Variants in HECW2 observed in about 807,000 individuals in gnomAD.
HECW2 encodes the protein E3 ubiquitin-protein ligase HECW2.
A neutral mutation model predicts 175.2 loss-of-function variants in HECW2; 61 were observed. The ratio of observed to expected loss-of-function variants is 0.35; its 90% CI spans 0.28 to 0.43. HECW2 has a LOEUF of 0.43. Among genes scored for constraint, HECW2 ranks in the 20% least tolerant of loss-of-function variants. The pLI is 1.00. For missense variants in HECW2, 1,524 were observed against 2,000.5 expected (o/e 0.76, Z 4.54); for synonymous variants, 671 against 731.0 (o/e 0.92, Z 1.32).
At chr2:196,496,390 T>A (rs1013002722) in intron 1 of HECW2, among the ~76,000 whole-genome samples, 2 of 145,222 alleles carry the variant, frequency 1.4e-5, no homozygotes, top group African/African-American at 5.6e-5. Flanking sequence ...GCAACACTGA[T>A]AAGCTCTTTC....
chr2:196,395,715 T>TTAA (rs1553512650), intron 2 of HECW2, among the ~76,000 whole-genome samples: 3,554 of 150,150 alleles, frequency 0.024, 145 homozygotes, highest in African/African-American at 0.082. Context: ...TTTTTTTTTT[T>TTAA]AAAAAAAGAA....
In HECW2 at chr2:196,329,720, T is replaced by C. The variant is rs1031351115; in HGVS notation, c.496-70A>G. 1.2e-5 allele frequency: 14 copies of C among 1,215,830 alleles called. No homozygotes were observed. In the African/African-American group the frequency reaches 1.9e-4, roughly 17 times the overall value. The allele number at this position is 1,215,830 out of a possible 1,614,324, so 75.3% of individuals were successfully genotyped here. ...GCCACTGGATCTGACTAGGAAACCATGTATGTTCCTAAATGCAATGATTTT... is the reference window on the plus strand; with the variant it reads ...GCCACTGGATCTGACTAGGAAACCACGTATGTTCCTAAATGCAATGATTTT... On this transcript the variant is annotated intron_variant, in intron 4 of 28. Coordinates refer to ENST00000644978, the MANE Select transcript of HECW2 (RefSeq NM_001348768.2).
chr2:196,246,512 G>C (rs1688649294), intron 19 of HECW2, among the ~76,000 whole-genome samples: 1 of 152,118 alleles, frequency 6.6e-6, no homozygotes, highest in African/African-American at 2.4e-5. Context: ...AGCCTCCTGA[G>C]TAGCTTGGAC....
intron 28 of HECW2, among the ~76,000 whole-genome samples, chr2:196,213,055 GA>G (rs779064860): frequency 3.3e-5 from 5 of 152,156 alleles, no homozygotes; most frequent in Non-Finnish European, 2.9e-5. Flanking sequence ...TAATATAAAA[GA>G]ATCTCTTTAG....
intron 6 of HECW2, 65 bp downstream of exon 6, chr2:196,324,915 A>C (rs1000499441): frequency 1.2e-5 from 16 of 1,356,498 alleles, no homozygotes; most frequent in Non-Finnish European, 1.6e-5. Context: ...AAAAGTCTCA[A>C]GGAAAGAGAG....
intron 1 of HECW2, among the ~76,000 whole-genome samples, chr2:196,571,362 A>T (rs540366930): frequency 6.6e-6 from 1 of 152,318 alleles, no homozygotes; most frequent in South Asian, 2.1e-4. Context: ...TGAAGAATGT[A>T]TCAAAAATAA....
intron 1 of HECW2, among the ~76,000 whole-genome samples, chr2:196,523,645 G>A (rs1308055932): frequency 6.6e-5 from 10 of 151,470 alleles, no homozygotes; most frequent in East Asian, 3.9e-4. Flanking sequence ...TTTGAAATAC[G>A]TCCCATCAAT....
At chr2:196,527,908 G>C (rs1688723848) in intron 1 of HECW2, among the ~76,000 whole-genome samples, 2 of 152,154 alleles carry the variant, frequency 1.3e-5, no homozygotes, top group Non-Finnish European at 1.5e-5. Flanking sequence ...TCACAGACTT[G>C]AAAACTACCA....
chr2:196,270,628 G>A (rs930814066), intron 17 of HECW2, among the ~76,000 whole-genome samples: 2 of 151,968 alleles, frequency 1.3e-5, no homozygotes, highest in African/African-American at 4.8e-5. Context: ...TAGGATAAAC[G>A]CTTGGCTTAA....
chr2:196,415,883 G>A (rs1207920627), intron 2 of HECW2, among the ~76,000 whole-genome samples: 1 of 152,188 alleles, frequency 6.6e-6, no homozygotes, highest in African/African-American at 2.4e-5. Context: ...AAGGGTGTTG[G>A]GAGTTGAAGA....
intron 1 of HECW2, among the ~76,000 whole-genome samples, chr2:196,492,825 C>T (rs958125218): frequency 2.0e-5 from 3 of 152,140 alleles, no homozygotes; most frequent in African/African-American, 7.2e-5. Flanking sequence ...AGAAAAACTG[C>T]TACTTTAACA....
chr2:196,272,240 T>C (rs1225372699), intron 16 of HECW2, among the ~76,000 whole-genome samples: 1 of 152,176 alleles, frequency 6.6e-6, no homozygotes, highest in Non-Finnish European at 1.5e-5. Flanking sequence ...AAACCAACTA[T>C]ACCAACAGCT....
intron 2 of HECW2, among the ~76,000 whole-genome samples, chr2:196,352,524 A>T (rs1430118242): frequency 1.3e-5 from 2 of 152,182 alleles, no homozygotes; most frequent in African/African-American, 4.8e-5. Flanking sequence ...TGAACTCACA[A>T]TATGTACTAT....
chr2:196,531,235 T>C (rs1688828365), intron 1 of HECW2, among the ~76,000 whole-genome samples: 2 of 152,236 alleles, frequency 1.3e-5, no homozygotes, highest in Non-Finnish European at 2.9e-5. Context: ...CACCCTGGTT[T>C]GCTGACTAAT....
chr2:196,233,108 T>C (rs1182026561), intron 21 of HECW2, among the ~76,000 whole-genome samples: 1 of 152,230 alleles, frequency 6.6e-6, no homozygotes, highest in Non-Finnish European at 1.5e-5. Flanking sequence ...ACTTCTTTCA[T>C]ATAAATAGTT....
intron 1 of HECW2, among the ~76,000 whole-genome samples, chr2:196,551,730 T>G (rs1195376768): frequency 2.6e-5 from 4 of 152,208 alleles, no homozygotes; most frequent in Non-Finnish European, 5.9e-5. Flanking sequence ...TAAGCTTAGA[T>G]GTACAATAAT....
chr2:196,297,845 G>A (rs1690877751), intron 13 of HECW2, among the ~76,000 whole-genome samples: 1 of 152,162 alleles, frequency 6.6e-6, no homozygotes, highest in Non-Finnish European at 1.5e-5. Flanking sequence ...TGTATGCAGA[G>A]ATATCAAAAC....
At chr2:196,521,279 T>TAACAAAAAAA (rs1688366530) in intron 1 of HECW2, among the ~76,000 whole-genome samples, 1 of 16,862 alleles carries the variant, frequency 5.9e-5, no homozygotes, top group Non-Finnish European at 1.2e-4. Flanking sequence ...GAAACGTGAG[T>TAACAAAAAAA]AACAAAAAAA....
intron 1 of HECW2, among the ~76,000 whole-genome samples, chr2:196,593,013 C>G (rs1036216599): frequency 2.0e-5 from 3 of 151,746 alleles, no homozygotes; most frequent in African/African-American, 7.2e-5. Flanking sequence ...CCGCGAGAAG[C>G]GCCCGGAGAG....
Sources: allele counts gnomAD v4.1 joint callset (sites outside exome capture counted in the v4.1 genomes callset), GRCh38; gene constraint gnomAD v4.1.1; transcripts MANE v1.5; gene names NCBI Gene and HGNC (gene_info 2026-07-23, HGNC 2026-07-21).